LMAN1: variants seen among roughly 807,000 people sequenced by gnomAD.
The protein encoded by LMAN1 is lectin, mannose binding 1.
A neutral mutation model predicts 67.8 loss-of-function variants in LMAN1; 32 were observed. The observed-to-expected ratio is 0.47, with a 90% confidence interval of 0.36 to 0.63. The LOEUF is 0.63. LMAN1 is among the 30% of genes least tolerant of loss of function. The probability of loss-of-function intolerance (pLI) is 0.00; values close to 1 mark genes in which losing one functional copy is unlikely to be tolerated. For missense variants in LMAN1, 632 were observed against 628.2 expected, an observed-to-expected ratio of 1.01 and a Z score of -0.06; for synonymous variants, 235 against 219.3, an observed-to-expected ratio of 1.07 and a Z score of -0.63.
chr18:59,343,875 A>C (rs940710275), intron 8 of LMAN1, among the ~76,000 whole-genome samples: 2 of 152,194 alleles, frequency 1.3e-5, no homozygotes, highest in African/African-American at 4.8e-5. Flanking sequence ...AATGGGAAAA[A>C]ATATTTGCAA....
Position 59,355,519 on chromosome 18 carries a change from A to C in LMAN1, c.354T>G (p.Ile118Met), listed in dbSNP as rs781668074. The C allele has an allele frequency of 1.2e-6, 2 of 1,613,988 alleles. No homozygotes were observed. The highest frequency in any genetic ancestry group is 4.5e-5 in the East Asian group (2 of 44,886). ...VTFRVTGRGR[I>M]GADGLAIWYA... The stretch of plus-strand genomic sequence containing the variant: ...ATGATCATACTAGGCCATCAGCTCC[A>C]ATTCGACCTCTTCCAGTCACTCGAA... The change falls in exon 2 of 13, where the codon ATT (isoleucine) becomes ATG (methionine). Residue 118 changes from isoleucine (I) to methionine (M), a missense_variant. Ile to Met is a conservative substitution (Grantham distance 10). Coordinates refer to ENST00000251047, the MANE Select transcript of LMAN1 (RefSeq NM_005570.4).
chr18:59,359,238 C>T lies in LMAN1; in HGVS notation c.7G>A (p.Gly3Arg), dbSNP rs1384151353. 6.2e-7 allele frequency: 1 copy of T among 1,613,602 alleles called. No individual in the cohort carries two copies. The highest frequency in any genetic ancestry group is 8.5e-7 in the Non-Finnish European group (1 of 1,179,738). MA[G>R]SRQRGLRARV... ...GCCCGGAGACCCCTTTGCCTGGATC[C>T]CGCCATCTTGGATTCTGGAACGCGG... Residue 3 changes from glycine to arginine, a missense_variant, in exon 1 of 13, where the codon GGA becomes AGA. Physicochemically the swap from Gly to Arg is moderately radical, Grantham distance 125 (BLOSUM62 -2). Transcript: ENST00000251047.
At chr18:59,339,748 G>T (rs977078067) in intron 8 of LMAN1, among the ~76,000 whole-genome samples, 1 of 152,228 alleles carries the variant, frequency 6.6e-6, no homozygotes, top group African/African-American at 2.4e-5. Context: ...CCCCTAGGAA[G>T]GTCCCTCCTG....
chr18:59,346,553 C>G (rs1908413371), intron 7 of LMAN1, among the ~76,000 whole-genome samples: 1 of 151,200 alleles, frequency 6.6e-6, no homozygotes, highest in South Asian at 2.1e-4. Flanking sequence ...TGGACTCTTA[C>G]TTTGTTGCCC....
intron 11 of LMAN1, 33 bp from the exon 12 acceptor site, chr18:59,331,572 T>A (rs2070748084): frequency 3.7e-6 from 6 of 1,609,720 alleles, no homozygotes; most frequent in Non-Finnish European, 1.7e-6. Context: ...TTACAGTTAG[T>A]CAAAATAGCA....
chr18:59,359,178 A>G lies in LMAN1; in HGVS notation c.67T>C (p.Ser23Pro), dbSNP rs1181197940. 24 of 1,614,080 alleles carry G rather than the reference A, an allele frequency of 1.5e-5. No homozygotes were observed. The highest frequency in any genetic ancestry group is 1.9e-5 in the Non-Finnish European group (23 of 1,179,966). ...VRPLFCALLL[S>P]LGRFVRGDGV... ...TCGCCCCGGACGAAGCGACCGAGTG[A>G]CAGCAGCAAGGCGCAGAACAGCGGC... The change falls in exon 1 of 13, where the codon TCA becomes CCA. Residue 23 changes from serine (S) to proline (P), a missense_variant. By Grantham distance (74) the Ser-to-Pro change is moderately conservative. Coordinates refer to ENST00000251047, the MANE Select transcript of LMAN1 (RefSeq NM_005570.4).
intron 1 of LMAN1, 35 bp from the exon 2 acceptor site, chr18:59,355,693 T>A: frequency 6.2e-7 from 1 of 1,603,114 alleles, no homozygotes. Context: ...AGCTTTAAGT[T>A]ATAATTAGGT....
rs748233385 is a variant in LMAN1 at position 59,354,568 on chromosome 18, C to A, written c.490G>T (p.Ala164Ser). ...FDNDGKKNNP[A>S]IVIIGNNGQI... The stretch of plus-strand genomic sequence containing the variant: ...CCATTGTTGCCTATAATTACTATAG[C>A]AGGATTATTTTTCTAAAAAAAAGGA... The change falls in exon 4 of 13, where the codon GCT becomes TCT. Residue 164 changes from alanine to serine, a missense_variant. Transcript: ENST00000251047. The A allele has an allele frequency of 6.8e-7, 1 of 1,466,806 alleles. No homozygotes were observed. The highest frequency in any genetic ancestry group is 2.3e-5 in the East Asian group (1 of 44,106). The allele number at this position is 1,466,806 out of a possible 1,614,324, so 90.9% of individuals were successfully genotyped here. A position where few individuals can be genotyped will look rare whatever the true frequency, so the allele number is the denominator to read the frequency against.
chr18:59,331,832 G>A (rs986638024), intron 11 of LMAN1, among the ~76,000 whole-genome samples: 2 of 152,022 alleles, frequency 1.3e-5, no homozygotes, highest in East Asian at 1.9e-4. Context: ...TGAGACTAGC[G>A]TCACCACAGA....
intron 8 of LMAN1, 22 bp downstream of exon 8, chr18:59,345,897 T>A (rs765520545): frequency 5.0e-6 from 8 of 1,613,622 alleles, no homozygotes; most frequent in South Asian, 1.1e-5. Context: ...GCGGCACCCA[T>A]GTCAGCTTTG....
intron 10 of LMAN1, among the ~76,000 whole-genome samples, chr18:59,336,157 A>G (rs1568112937): frequency 6.6e-6 from 1 of 152,224 alleles, no homozygotes; most frequent in Non-Finnish European, 1.5e-5. Context: ...ACATATGTAT[A>G]TTCCCTAGCT....
At chr18:59,347,450 C>T in intron 7 of LMAN1, 63 bp downstream of exon 7, 1 of 1,185,100 alleles carries the variant, frequency 8.4e-7, no homozygotes, top group Non-Finnish European at 1.2e-6. Flanking sequence ...GTTAGTCTTC[C>T]AAAACGTTCA....
At chr18:59,350,643 C>T (rs1390081594) in intron 5 of LMAN1, among the ~76,000 whole-genome samples, 1 of 152,216 alleles carries the variant, frequency 6.6e-6, no homozygotes, top group African/African-American at 2.4e-5. Context: ...TACAGGCTCC[C>T]GCCACAAAGC....
chr18:59,337,461 A>T (rs951329346), intron 10 of LMAN1, among the ~76,000 whole-genome samples: 14 of 152,166 alleles, frequency 9.2e-5, no homozygotes, highest in African/African-American at 3.1e-4. Flanking sequence ...AATTGTATCA[A>T]TGTTAATTTC....
chr18:59,348,453 C>T lies in LMAN1; in HGVS notation c.763+660G>A, dbSNP rs151164234. ...TACGATCTTCAGAAATTTCTTTCAC[C>T]TAAAATTTGGCAAGTTCTTCTAAAA... On this transcript the variant is annotated intron_variant, in intron 6 of 12. Transcript: ENST00000251047. 4.3e-3 allele frequency among the ~76,000 whole-genome samples: 651 copies of T among 152,318 alleles called. 36 individuals are homozygous for T. In the East Asian group the frequency reaches 0.1, roughly 23 times the overall value.
At chr18:59,339,912 C>G (rs1252908380) in intron 8 of LMAN1, among the ~76,000 whole-genome samples, 1 of 152,150 alleles carries the variant, frequency 6.6e-6, no homozygotes, top group East Asian at 1.9e-4. Context: ...GTGCCCCACC[C>G]TCAGGCTATG....
chr18:59,331,692 G>A, intron 11 of LMAN1, 153 bp from the exon 12 acceptor site: 1 of 793,034 alleles, frequency 1.3e-6, no homozygotes, highest in Non-Finnish European at 2.0e-6. Context: ...AACTTTTACT[G>A]ACAACTGTTT....
At chr18:59,331,396 C>T (rs765917104) in intron 12 of LMAN1, 22 bp downstream of exon 12, 1 of 1,596,286 alleles carries the variant, frequency 6.3e-7, no homozygotes, top group South Asian at 1.1e-5. Flanking sequence ...AATATTGGGT[C>T]ACATTTTATC....
chr18:59,338,795 T>C lies in LMAN1; in HGVS notation c.1114A>G (p.Lys372Glu). Residue 372 changes from lysine to glutamate, a missense_variant, in exon 9 of 13, where the codon AAA becomes GAA. Physicochemically the swap from Lys to Glu is moderately conservative, Grantham distance 56 (BLOSUM62 1). Coordinates refer to ENST00000251047, the MANE Select transcript of LMAN1 (RefSeq NM_005570.4). Reference sequence around the variant, plus strand: ...TGCCCAGGCATTCCTGCTCCTCTTTTAGAGATTTCCTCTGTTAAGGAAGAG... The same window carrying C: ...TGCCCAGGCATTCCTGCTCCTCTTTCAGAGATTTCCTCTGTTAAGGAAGAG... ...YVSSLTEEIS[K>E]RGAGMPGQHG... is the part of the protein sequence containing the mutation. 6.2e-7 allele frequency: 1 copy of C among 1,614,164 alleles called. No individual in the cohort carries two copies. Among genetic ancestry groups the C allele is most frequent in the Non-Finnish European group, 8.5e-7 (1 of 1,180,022 alleles).
Sources: allele counts gnomAD v4.1 joint callset (sites outside exome capture counted in the v4.1 genomes callset), GRCh38; gene constraint gnomAD v4.1.1; transcripts MANE v1.5; gene names NCBI Gene and HGNC (gene_info 2026-07-23, HGNC 2026-07-21).